Variants in WDR72 observed in about 807,000 individuals in gnomAD.
WDR72 encodes WD repeat-containing protein 72.
A neutral mutation model predicts 124.2 loss-of-function variants in WDR72; 120 were observed. The ratio of observed to expected loss-of-function variants is 0.97; its 90% confidence interval spans 0.83 to 1.12. The LOEUF (loss-of-function observed/expected upper bound fraction) is 1.12. WDR72 is among the 50% of genes most tolerant of loss of function. The probability of loss-of-function intolerance (pLI) is 0.00; values close to 1 mark genes in which losing one functional copy is unlikely to be tolerated. For synonymous variants in WDR72, 452 were observed against 441.7 expected, an observed-to-expected ratio of 1.02 and a Z score of -0.29; for missense variants, 1,387 against 1,278.8, an observed-to-expected ratio of 1.08 and a Z score of -1.29.
chr15:53,712,212 T>C (rs1012091457), intron 7 of WDR72, among the ~76,000 whole-genome samples: 3 of 152,190 alleles, frequency 2.0e-5, no homozygotes, highest in African/African-American at 7.2e-5. Context: ...TGCTACTACA[T>C]ATATAATATC....
At chr15:53,736,062 A>G (rs549592616) in intron 1 of WDR72, among the ~76,000 whole-genome samples, 1 of 152,300 alleles carries the variant, frequency 6.6e-6, no homozygotes, top group Admixed American at 6.5e-5. Context: ...AAAAAAAATG[A>G]AAATGTTGAG....
intron 13 of WDR72, among the ~76,000 whole-genome samples, chr15:53,688,748 C>G (rs1213513949): frequency 6.6e-6 from 1 of 152,014 alleles, no homozygotes; most frequent in Non-Finnish European, 1.5e-5. Context: ...AAAGAGCCCG[C>G]ATCGCCAAGT....
At chr15:53,737,681 A>G (rs1283592381) in intron 1 of WDR72, among the ~76,000 whole-genome samples, 5 of 152,138 alleles carry the variant, frequency 3.3e-5, no homozygotes, top group African/African-American at 1.2e-4. Context: ...TTACTAAGAA[A>G]AGCTGGTAAA....
chr15:53,573,817 A>T (rs1273138383), intron 18 of WDR72, among the ~76,000 whole-genome samples: 1 of 152,236 alleles, frequency 6.6e-6, no homozygotes, highest in Non-Finnish European at 1.5e-5. Context: ...AAGTGCTGGG[A>T]TTACAGGCGT....
chr15:53,610,648 C>A (rs1328431083), intron 16 of WDR72, among the ~76,000 whole-genome samples: 1 of 151,586 alleles, frequency 6.6e-6, no homozygotes, highest in Non-Finnish European at 1.5e-5. Flanking sequence ...GTATACAATG[C>A]AATTTGAGAA....
chr15:53,632,769 A>G (rs1294978832), intron 14 of WDR72, among the ~76,000 whole-genome samples: 3 of 152,262 alleles, frequency 2.0e-5, no homozygotes, highest in Non-Finnish European at 4.4e-5. Flanking sequence ...TGGAGCTTTA[A>G]GATTTAATGA....
intron 13 of WDR72, among the ~76,000 whole-genome samples, chr15:53,667,575 A>G (rs1226876509): frequency 6.6e-6 from 1 of 152,170 alleles, no homozygotes; most frequent in African/African-American, 2.4e-5. Context: ...CAAACCAAAG[A>G]TAAGAGTTAT....
At chr15:53,654,800 CTG>C (rs532612513) in intron 14 of WDR72, among the ~76,000 whole-genome samples, 49 of 152,266 alleles carry the variant, frequency 3.2e-4, no homozygotes, top group Middle Eastern at 3.4e-3. Flanking sequence ...ACACTCAGAA[CTG>C]TTAGTTTTCT....
At chr15:53,604,803 G>C (rs1191731528) in intron 17 of WDR72, among the ~76,000 whole-genome samples, 1 of 151,862 alleles carries the variant, frequency 6.6e-6, no homozygotes, top group African/African-American at 2.4e-5. Flanking sequence ...TCAGAATGTT[G>C]AAGTCAAAAA....
intron 1 of WDR72, among the ~76,000 whole-genome samples, chr15:53,750,364 T>C (rs532788411): frequency 1.3e-5 from 2 of 152,198 alleles, no homozygotes; most frequent in Non-Finnish European, 2.9e-5. Context: ...GAGTATTTTA[T>C]GCTTATTGTT....
At chr15:53,755,216 T>A (rs993194660) in intron 1 of WDR72, among the ~76,000 whole-genome samples, 3 of 152,222 alleles carry the variant, frequency 2.0e-5, no homozygotes, top group Non-Finnish European at 2.9e-5. Context: ...CCTGTTTATA[T>A]TTTTTTGTTC....
chr15:53,540,748 A>C (rs6493631), intron 18 of WDR72: 29,932 of 155,500 alleles, frequency 0.19, 2,992 homozygotes, highest in Middle Eastern at 0.24. Context: ...TCATCTCACT[A>C]GGGAGTGCCA....
chr15:53,711,778 A>G (rs1280117381), intron 7 of WDR72, among the ~76,000 whole-genome samples: 1 of 152,214 alleles, frequency 6.6e-6, no homozygotes, highest in Admixed American at 6.5e-5. Context: ...TGAGTACTCC[A>G]AGTTTTACAT....
chr15:53,673,502 T>C (rs2140464887), intron 13 of WDR72, among the ~76,000 whole-genome samples: 1 of 152,320 alleles, frequency 6.6e-6, no homozygotes, highest in South Asian at 2.1e-4. Context: ...TAACTCATGG[T>C]GTCTTTCCAA....
At chr15:53,633,426 C>A (rs536907661) in intron 14 of WDR72, among the ~76,000 whole-genome samples, 5 of 152,316 alleles carry the variant, frequency 3.3e-5, no homozygotes, top group East Asian at 1.9e-4. Context: ...CCAATTAAAT[C>A]TTTTCTCTTT....
chr15:53,669,094 C>G (rs8031793), intron 13 of WDR72, among the ~76,000 whole-genome samples: 141,329 of 151,586 alleles, frequency 0.93, 66,714 homozygotes, highest in East Asian at 1. Flanking sequence ...TCTTGGTTCT[C>G]GTGTACTTTT....
intron 8 of WDR72, 92 bp from the exon 9 acceptor site, chr15:53,711,045 C>T (rs1385367716): frequency 8.1e-6 from 9 of 1,110,186 alleles, no homozygotes; most frequent in Admixed American, 2.0e-5. Flanking sequence ...CGGATGGTAC[C>T]GTTCAAGTTT....
chr15:53,572,073 T>C (rs899858825), intron 18 of WDR72, among the ~76,000 whole-genome samples: 4 of 152,172 alleles, frequency 2.6e-5, no homozygotes, highest in Non-Finnish European at 4.4e-5. Context: ...ATTTGTTCTC[T>C]TGTTATTGAG....
In WDR72 at chr15:53,597,207, A is replaced by G; in HGVS notation, c.3020T>C (p.Ile1007Thr). The G allele has an allele frequency of 6.2e-7, 1 of 1,613,880 alleles. No homozygotes were observed. Among genetic ancestry groups the G allele is most frequent in the Non-Finnish European group, 8.5e-7 (1 of 1,179,860 alleles). The stretch of plus-strand genomic sequence containing the variant: ...GGACACTGGTTGACTATTGACGGGT[A>G]TCTTTCCCAAACTCTTCATGTGTTG... ...VQQHMKSLGK[I>T]PVNSQPVSMA... Residue 1007 changes from isoleucine to threonine, a missense_variant, in exon 18 of 20, where the codon ATA (isoleucine) becomes ACA (threonine). Physicochemically the swap from Ile to Thr is moderately conservative, Grantham distance 89 (BLOSUM62 -1). Coordinates refer to ENST00000360509, the MANE Select transcript of WDR72 (RefSeq NM_182758.4).
Sources: allele counts gnomAD v4.1 joint callset (sites outside exome capture counted in the v4.1 genomes callset), GRCh38; gene constraint gnomAD v4.1.1; transcripts MANE v1.5; gene names NCBI Gene and HGNC (gene_info 2026-07-23, HGNC 2026-07-21).